The following REDIC1 variants were observed in gnomAD, a reference collection of about 807,000 sequenced individuals.
The protein encoded by REDIC1 is regulator of DNA class I crossover intermediates 1.
chr12:39,902,631 G>A, the REDIC1 span, among the ~76,000 whole-genome samples: 1 of 152,042 alleles, frequency 6.6e-6, no homozygotes, highest in Non-Finnish European at 1.5e-5. Flanking sequence ...TGTGTCTAAA[G>A]TAGTTTGAAC....
the REDIC1 span, among the ~76,000 whole-genome samples, chr12:39,875,088 G>A: frequency 6.6e-6 from 1 of 152,134 alleles, no homozygotes; most frequent in Non-Finnish European, 1.5e-5. Context: ...TTGCTGCCAT[G>A]ACAAATTACC....
the REDIC1 span, chr12:39,764,446 A>AAAT: frequency 6.5e-7 from 1 of 1,545,458 alleles, no homozygotes; most frequent in South Asian, 1.3e-5. Context: ...ATGTTAGAAA[A>AAAT]AATATTATCT....
At chr12:39,856,968 TGTCACA>T in the REDIC1 span, among the ~76,000 whole-genome samples, 1 of 152,238 alleles carries the variant, frequency 6.6e-6, no homozygotes, top group East Asian at 1.9e-4. Flanking sequence ...AGTCAATTGC[TGTCACA>T]GTCCTGGATA....
the REDIC1 span, among the ~76,000 whole-genome samples, chr12:39,700,887 G>A: frequency 6.6e-6 from 1 of 152,088 alleles, no homozygotes; most frequent in East Asian, 1.9e-4. Flanking sequence ...AGCAAATGCT[G>A]AGAGATTTTG....
chr12:39,743,028 C>T, the REDIC1 span, among the ~76,000 whole-genome samples: 24,446 of 151,762 alleles, frequency 0.16, 3,063 homozygotes, highest in East Asian at 0.38. Flanking sequence ...CACTTTCACA[C>T]GTTCTATAAA....
At chr12:39,894,991 C>G in the REDIC1 span, among the ~76,000 whole-genome samples, 1 of 152,232 alleles carries the variant, frequency 6.6e-6, no homozygotes, top group Non-Finnish European at 1.5e-5. Flanking sequence ...GGACCATGAC[C>G]AAATCATCCT....
the REDIC1 span, among the ~76,000 whole-genome samples, chr12:39,742,614 A>G: frequency 2.2e-4 from 34 of 152,232 alleles, no homozygotes; most frequent in Admixed American, 9.2e-4. Flanking sequence ...TTTGCCCAGT[A>G]GTTTCTCCTG....
chr12:39,708,638 C>G, the REDIC1 span, among the ~76,000 whole-genome samples: 4 of 151,736 alleles, frequency 2.6e-5, no homozygotes, highest in African/African-American at 9.7e-5. Context: ...AAAAATACTT[C>G]TTTTCCCTAG....
At chr12:39,682,894 TATG>T in the REDIC1 span, 46 of 1,612,788 alleles carry the variant, frequency 2.9e-5, no homozygotes, top group Non-Finnish European at 3.7e-5. Flanking sequence ...CAAGTGTGAT[TATG>T]ATAGTATGGG....
the REDIC1 span, among the ~76,000 whole-genome samples, chr12:39,879,701 C>T: frequency 6.6e-6 from 1 of 152,138 alleles, no homozygotes; most frequent in African/African-American, 2.4e-5. Flanking sequence ...TTTTATTTTA[C>T]AGGCTCAAAA....
chr12:39,683,151 T>C, the REDIC1 span: 1 of 1,565,738 alleles, frequency 6.4e-7, no homozygotes, highest in African/African-American at 1.4e-5. Flanking sequence ...GTTGGTATTG[T>C]ACATGGAAAA....
At chr12:39,679,997 A>G in the REDIC1 span, among the ~76,000 whole-genome samples, 6 of 152,226 alleles carry the variant, frequency 3.9e-5, no homozygotes, top group Non-Finnish European at 8.8e-5. Flanking sequence ...GTCAAGATTG[A>G]TAAAAAACTT....
At chr12:39,693,325 AC>A in the REDIC1 span, among the ~76,000 whole-genome samples, 3 of 151,464 alleles carry the variant, frequency 2.0e-5, no homozygotes, top group East Asian at 5.8e-4. Flanking sequence ...ATACCTTGAA[AC>A]CTTTAATGAT....
At chr12:39,710,321 T>G in the REDIC1 span, among the ~76,000 whole-genome samples, 1 of 151,838 alleles carries the variant, frequency 6.6e-6, no homozygotes, top group African/African-American at 2.4e-5. Flanking sequence ...TACACAAAAG[T>G]TTTAAATGTA....
the REDIC1 span, among the ~76,000 whole-genome samples, chr12:39,770,079 T>C: frequency 2.0e-5 from 3 of 152,236 alleles, no homozygotes; most frequent in East Asian, 1.9e-4. Flanking sequence ...CTGACCTATA[T>C]GTATTCATTG....
the REDIC1 span, among the ~76,000 whole-genome samples, chr12:39,662,978 T>C: frequency 6.6e-6 from 1 of 152,110 alleles, no homozygotes; most frequent in East Asian, 1.9e-4. Context: ...GATAATCCAC[T>C]TGATGATCAT....
chr12:39,634,622 A>G, the REDIC1 span, among the ~76,000 whole-genome samples: 1 of 152,194 alleles, frequency 6.6e-6, no homozygotes, highest in African/African-American at 2.4e-5. Flanking sequence ...CTTACACTGT[A>G]TACTAATATT....
At chr12:39,684,375 A>G in the REDIC1 span, 1 of 528,436 alleles carries the variant, frequency 1.9e-6, no homozygotes, top group Admixed American at 6.3e-5. Flanking sequence ...GTTGGAAATC[A>G]TGAACTAGAA....
the REDIC1 span, among the ~76,000 whole-genome samples, chr12:39,635,791 A>G: frequency 1.3e-5 from 2 of 152,124 alleles, no homozygotes; most frequent in Non-Finnish European, 2.9e-5. Flanking sequence ...TTAAAGTATT[A>G]AAAAAAGAAG....
Sources: gnomAD v4.1 joint callset for allele counts (sites outside exome capture counted in the v4.1 genomes callset) on GRCh38, gnomAD v4.1.1 for gene constraint, MANE v1.5 for transcripts, NCBI Gene and HGNC (gene_info 2026-07-23, HGNC 2026-07-21) for gene names.